SLC44A1: variants seen among roughly 807,000 people sequenced by gnomAD.
SLC44A1 encodes the protein solute carrier family 44 member 1.
SLC44A1 carries 26 observed loss-of-function variants against 79.3 expected under a neutral mutation model. That is an observed-to-expected ratio of 0.33 (90% CI 0.24 to 0.46). The LOEUF is 0.46. SLC44A1 is among the 20% of genes least tolerant of loss of function. SLC44A1 has a pLI of 1.00. For missense variants in SLC44A1, 688 were observed against 798.1 expected, an observed-to-expected ratio of 0.86 and a Z score of 1.66; for synonymous variants, 263 against 286.2, an observed-to-expected ratio of 0.92 and a Z score of 0.82.
At chr9:105,397,603 C>T (rs1248758228), downstream of SLC44A1, among the ~76,000 whole-genome samples, 1 of 152,118 alleles carries the variant, frequency 6.6e-6, no homozygotes, top group African/African-American at 2.4e-5. Context: ...TGAGTTGCCG[C>T]GTGAATGCTA....
chr9:105,313,462 T>C (rs1158868645), intron 3 of SLC44A1, among the ~76,000 whole-genome samples: 2 of 152,166 alleles, frequency 1.3e-5, no homozygotes, highest in African/African-American at 4.8e-5. Context: ...AAATTGTTGG[T>C]CAGGGCTGGG....
chr9:105,379,135 G>A (rs1261243235), intron 13 of SLC44A1, among the ~76,000 whole-genome samples: 3 of 152,124 alleles, frequency 2.0e-5, no homozygotes, highest in Non-Finnish European at 4.4e-5. Flanking sequence ...AATTTTCCTG[G>A]CATGGTGGGG....
chr9:105,361,298 C>T lies in SLC44A1; in HGVS notation c.868C>T (p.Leu290Phe), dbSNP rs1197214803. Reference protein sequence around the residue: ...QIAEDNLRALLIYAISATVFT... With the variant: ...QIAEDNLRALFIYAISATVFT... ...AGCTGAAGACAATCTTCGGGCCCTC[C>T]TCATTTATGCCATTTCAGCTACAGT... Residue 290 changes from leucine to phenylalanine, a missense_variant, in exon 8 of 16, where the codon CTC (leucine) becomes TTC (phenylalanine). Coordinates refer to ENST00000374720, the MANE Select transcript of SLC44A1 (RefSeq NM_080546.5). 1.2e-6 allele frequency: 2 copies of T among 1,612,764 alleles called. No individual in the cohort carries two copies. Among genetic ancestry groups the T allele is most frequent in the South Asian group, 1.1e-5 (1 of 90,760 alleles).
At chr9:105,409,968 C>G (rs1410920934) in intron 15 of SLC44A1, among the ~76,000 whole-genome samples, 1 of 152,002 alleles carries the variant, frequency 6.6e-6, no homozygotes, top group Non-Finnish European at 1.5e-5. Context: ...AAACAAATCA[C>G]AGTAAATTTT....
chr9:105,246,587 T>G (rs1206569267), intron 1 of SLC44A1, among the ~76,000 whole-genome samples: 1 of 151,948 alleles, frequency 6.6e-6, no homozygotes, highest in Non-Finnish European at 1.5e-5. Flanking sequence ...TTTCAACTGG[T>G]TAGGAATTTG....
chr9:105,420,880 AAAAAAAAAAG>A (rs1158578387), intron 15 of SLC44A1, among the ~76,000 whole-genome samples: 1 of 150,648 alleles, frequency 6.6e-6, no homozygotes, highest in African/African-American at 2.4e-5. Flanking sequence ...AAAAAAAAAA[AAAAAAAAAAG>A]GATGGTCTAG....
rs74307292 is a variant in SLC44A1, at chr9:105,362,477, C to T, written c.901-344C>T. Among the ~76,000 whole-genome samples the T allele has an allele frequency of 4.3e-4, 66 of 152,102 alleles. No homozygotes were observed. In the East Asian group the frequency reaches 0.012, roughly 29 times the overall value. ...CTAATAAGGAAGATACAAATAAAAA[C>T]CTCGTTTTTGTGGTGTATCTGTTTA... On this transcript the variant is annotated intron_variant, in intron 8 of 15. Transcript: ENST00000374720.
intron 3 of SLC44A1, among the ~76,000 whole-genome samples, chr9:105,310,501 A>G (rs1008935940): frequency 1.3e-5 from 2 of 152,180 alleles, no homozygotes; most frequent in East Asian, 1.9e-4. Context: ...ATGCTAATAT[A>G]TTTGTACAGA....
At chr9:105,311,293 T>C (rs890350057) in intron 3 of SLC44A1, among the ~76,000 whole-genome samples, 3 of 152,168 alleles carry the variant, frequency 2.0e-5, no homozygotes, top group Non-Finnish European at 4.4e-5. Flanking sequence ...CTGTAAAATA[T>C]TATTTAACTC....
rs538625193 is a variant in SLC44A1 at position 105,391,942 on chromosome 9, G to A, written c.*2886G>A. ...CAATTGTAGTAGTGACCAGAGTATC[G>A]TGGTTTTTGCCATCAGATAATTAAG... On this transcript the variant is annotated 3_prime_UTR_variant, in exon 16 of 16. Transcript: ENST00000374720. 1.3e-4 allele frequency: 125 copies of A among 985,128 alleles called. No homozygotes were observed. Among genetic ancestry groups the A allele is most frequent in the Non-Finnish European group, 1.4e-4 (119 of 829,736 alleles). The allele number at this position is 985,128 out of a possible 1,614,324, so 61.0% of individuals were successfully genotyped here. A position where few individuals can be genotyped will look rare whatever the true frequency, so the allele number is the denominator to read the frequency against.
chr9:105,390,429 A>AG lies in SLC44A1; in HGVS notation c.*1373_*1374insG. The stretch of plus-strand genomic sequence containing the variant: ...TTATTGCACTAAATACAGGCTCTGT[A>AG]CAAAAAAAAAAAAAAAAAAAAAGCC... On this transcript the variant is annotated 3_prime_UTR_variant, in exon 16 of 16. Transcript: ENST00000374720. 1.6e-6 allele frequency: 1 copy of AG among 624,236 alleles called. No individual in the cohort carries two copies. The highest frequency in any genetic ancestry group is 1.9e-6 in the Non-Finnish European group (1 of 522,376). The allele number at this position is 624,236 out of a possible 1,614,324, so 38.7% of individuals were successfully genotyped here. A position where few individuals can be genotyped will look rare whatever the true frequency, so the allele number is the denominator to read the frequency against.
At chr9:105,351,644 AAGAAAGAAAGAAAGAAAGAAAGAAAG>A (rs1827444072) in intron 5 of SLC44A1, among the ~76,000 whole-genome samples, 1 of 141,492 alleles carries the variant, frequency 7.1e-6, no homozygotes, top group African/African-American at 2.7e-5. Context: ...GAAAGAAAGA[AAGAAAGAAAGAAAGAAAGAAAGAAAG>A]AAAGAACCAA....
intron 1 of SLC44A1, among the ~76,000 whole-genome samples, chr9:105,298,626 A>C (rs1312187394): frequency 6.6e-6 from 1 of 152,154 alleles, no homozygotes; most frequent in Non-Finnish European, 1.5e-5. Context: ...CTGGGATTAC[A>C]GATGTGAGCC....
At chr9:105,400,195 CAAAAG>C (rs532965034), downstream of SLC44A1, among the ~76,000 whole-genome samples, 55 of 145,092 alleles carry the variant, frequency 3.8e-4, no homozygotes, top group African/African-American at 1.4e-3. Context: ...AACTCCGTCT[CAAAAG>C]AAAAAGAAGG....
chr9:105,401,991 G>A (rs1828964809), downstream of SLC44A1, among the ~76,000 whole-genome samples: 1 of 152,218 alleles, frequency 6.6e-6, no homozygotes, highest in South Asian at 2.1e-4. Flanking sequence ...GGATTAGCCA[G>A]ATGATGAAGG....
intron 1 of SLC44A1, among the ~76,000 whole-genome samples, chr9:105,260,326 C>T (rs1203090843): frequency 6.6e-6 from 1 of 152,184 alleles, no homozygotes; most frequent in African/African-American, 2.4e-5. Flanking sequence ...CTTATCTGTC[C>T]TTTAAAATTT....
chr9:105,402,175 G>A (rs1828967425), downstream of SLC44A1, among the ~76,000 whole-genome samples: 1 of 152,204 alleles, frequency 6.6e-6, no homozygotes, highest in African/African-American at 2.4e-5. Flanking sequence ...AGTGTGTGTT[G>A]TGGGGAGCCT....
chr9:105,337,422 G>T lies in SLC44A1; in HGVS notation c.406+1723G>T, dbSNP rs117453400. 5.9e-3 allele frequency among the ~76,000 whole-genome samples: 901 copies of T among 152,216 alleles called. 2 individuals carry two copies. Among genetic ancestry groups the T allele is most frequent in the Admixed American group, 8.3e-3 (127 of 15,290 alleles). ...TGAACAATGCTTAGAACAGTATCTGGCAAATATTAAGTTGCTAAGAAAAAT... is the reference window on the plus strand; with the variant it reads ...TGAACAATGCTTAGAACAGTATCTGTCAAATATTAAGTTGCTAAGAAAAAT... On this transcript the variant is annotated intron_variant, in intron 4 of 15. Coordinates refer to ENST00000374720, the MANE Select transcript of SLC44A1 (RefSeq NM_080546.5).
chr9:105,325,574 T>G (rs1449836610), intron 3 of SLC44A1, among the ~76,000 whole-genome samples: 1 of 152,152 alleles, frequency 6.6e-6, no homozygotes, highest in Admixed American at 6.5e-5. Context: ...TGTGCTGATA[T>G]GCTAGCTCAC....
Sources: allele counts gnomAD v4.1 joint callset (sites outside exome capture counted in the v4.1 genomes callset), GRCh38; gene constraint gnomAD v4.1.1; transcripts MANE v1.5; gene names NCBI Gene and HGNC (gene_info 2026-07-23, HGNC 2026-07-21).